Variants in ATAD2 observed in about 807,000 individuals in gnomAD.
ATAD2 encodes ATPase family AAA domain containing 2, also known as ATPase family AAA domain-containing protein 2.
ATAD2 carries 62 observed loss-of-function variants against 168.9 expected under a neutral mutation model. That is an observed-to-expected ratio of 0.37 (90% CI 0.30 to 0.45). ATAD2 has a LOEUF of 0.45. Ranked by LOEUF, ATAD2 falls within the 20% of genes least tolerant of loss-of-function variation. ATAD2 has a pLI of 1.00. For synonymous variants in ATAD2, 613 were observed against 571.6 expected, an observed-to-expected ratio of 1.07 and a Z score of -1.03; for missense variants, 1,419 against 1,667.8, an observed-to-expected ratio of 0.85 and a Z score of 2.60.
At chr8:123,379,884 A>ATT (rs1268109846) in intron 2 of ATAD2, among the ~76,000 whole-genome samples, 1 of 127,074 alleles carries the variant, frequency 7.9e-6, no homozygotes, top group African/African-American at 2.7e-5. Flanking sequence ...TATTATTATT[A>ATT]TTATTATTTT....
chr8:123,409,504 T>G (rs1813121473), intron 1 of ATAD2, among the ~76,000 whole-genome samples: 1 of 152,120 alleles, frequency 6.6e-6, no homozygotes, highest in Non-Finnish European at 1.5e-5. Context: ...CAATTTGTTT[T>G]TCTTTTGAGA....
chr8:123,322,564 G>A (rs962335569), intron 27 of ATAD2, among the ~76,000 whole-genome samples: 1 of 152,148 alleles, frequency 6.6e-6, no homozygotes, highest in Admixed American at 6.5e-5. Context: ...AGCTACTTGG[G>A]AGGCTGAGGC....
At chr8:123,388,751 T>C (rs1372261148) in intron 1 of ATAD2, among the ~76,000 whole-genome samples, 1 of 152,080 alleles carries the variant, frequency 6.6e-6, no homozygotes, top group African/African-American at 2.4e-5. Context: ...CTCAGGCTGG[T>C]CTCGAACTTC....
intron 1 of ATAD2, among the ~76,000 whole-genome samples, chr8:123,384,850 T>C (rs907091530): frequency 6.6e-6 from 1 of 152,212 alleles, no homozygotes; most frequent in Non-Finnish European, 1.5e-5. Context: ...TAATATGTTC[T>C]TGTTTTGATT....
chr8:123,388,831 G>A (rs1170228110), intron 1 of ATAD2, among the ~76,000 whole-genome samples: 2 of 152,052 alleles, frequency 1.3e-5, no homozygotes, highest in Non-Finnish European at 2.9e-5. Context: ...CACTGTGCCT[G>A]GCCAGTACTT....
At chr8:123,324,497 G>A (rs1827552902) in intron 26 of ATAD2, among the ~76,000 whole-genome samples, 1 of 152,206 alleles carries the variant, frequency 6.6e-6, no homozygotes, top group Non-Finnish European at 1.5e-5. Flanking sequence ...ACACATCCAA[G>A]TTGTTGGTTG....
chr8:123,392,910 C>T (rs751765194), intron 1 of ATAD2, among the ~76,000 whole-genome samples: 25 of 152,252 alleles, frequency 1.6e-4, no homozygotes, highest in Non-Finnish European at 2.9e-4. Flanking sequence ...ATTTGCTGGG[C>T]GCGGTGGCTC....
chr8:123,389,197 C>T (rs1050444198), intron 1 of ATAD2, among the ~76,000 whole-genome samples: 29 of 135,582 alleles, frequency 2.1e-4, no homozygotes, highest in African/African-American at 6.8e-4. Flanking sequence ...AGGATGGTCT[C>T]GATCTCCTGA....
chr8:123,357,119 G>A (rs1828673332), intron 12 of ATAD2, among the ~76,000 whole-genome samples: 1 of 152,154 alleles, frequency 6.6e-6, no homozygotes, highest in Admixed American at 6.5e-5. Flanking sequence ...AACCTCGGGA[G>A]AGTTCCAAAA....
At chr8:123,362,581 A>G (rs542064087) in intron 8 of ATAD2, among the ~76,000 whole-genome samples, 91 of 151,352 alleles carry the variant, frequency 6.0e-4, no homozygotes, top group African/African-American at 2.1e-3. Flanking sequence ...GTGCCCAGTT[A>G]ACTTTTTTTT....
At chr8:123,350,859 G>A (rs1400799333) in intron 13 of ATAD2, among the ~76,000 whole-genome samples, 1 of 151,846 alleles carries the variant, frequency 6.6e-6, no homozygotes, top group Non-Finnish European at 1.5e-5. Context: ...TGAGTAGCTG[G>A]GACTACAGGC....
intron 13 of ATAD2, among the ~76,000 whole-genome samples, chr8:123,349,955 G>A (rs1236129594): frequency 1.3e-5 from 2 of 151,060 alleles, no homozygotes; most frequent in African/African-American, 2.4e-5. Flanking sequence ...GAGGTTGTAC[G>A]TAGTGAGCCA....
At chr8:123,326,072 T>C in intron 25 of ATAD2, 46 bp from the exon 26 acceptor site, 3 of 1,580,210 alleles carry the variant, frequency 1.9e-6, no homozygotes, top group Non-Finnish European at 2.6e-6. Flanking sequence ...ATAGATATTA[T>C]GATGTCTAAA....
At chr8:123,347,833 A>C (rs1828302170) in intron 15 of ATAD2, among the ~76,000 whole-genome samples, 1 of 152,186 alleles carries the variant, frequency 6.6e-6, no homozygotes, top group Admixed American at 6.5e-5. Flanking sequence ...TAAAATGCTT[A>C]AAAGGATGAC....
chr8:123,328,452 T>C lies in ATAD2; in HGVS notation c.3606A>G (p.Thr1202=), dbSNP rs186156193. 178 of 1,610,628 alleles carry C rather than the reference T, an allele frequency of 1.1e-4. No homozygotes were observed. Among genetic ancestry groups the C allele is most frequent in the Admixed American group, 4.0e-4 (24 of 59,524 alleles). ...NAIDHKIESD[T]EETQDTSVDH... is the part of the protein sequence containing the mutation. Reference sequence around the variant, plus strand: ...CTACACTTGTGTCTTGAGTTTCCTCTGTATCACTCTCAATTTTGTGATCTA... The same window carrying C: ...CTACACTTGTGTCTTGAGTTTCCTCCGTATCACTCTCAATTTTGTGATCTA... The change falls in exon 25 of 28, where the codon ACA becomes ACG. Residue 1202 remains threonine, a synonymous_variant. Transcript: ENST00000287394.
At chr8:123,351,786 C>T (rs1828471792) in intron 13 of ATAD2, among the ~76,000 whole-genome samples, 2 of 144,222 alleles carry the variant, frequency 1.4e-5, no homozygotes, top group African/African-American at 2.6e-5. Flanking sequence ...CTGGCTGTGT[C>T]GCCCAGGCTG....
intron 1 of ATAD2, among the ~76,000 whole-genome samples, chr8:123,392,348 A>AT (rs1812618572): frequency 6.6e-6 from 1 of 152,194 alleles, no homozygotes; most frequent in South Asian, 2.1e-4. Context: ...GTAATTTTAA[A>AT]TATGGTGCTT....
intron 24 of ATAD2, among the ~76,000 whole-genome samples, chr8:123,333,234 A>G (rs1228434984): frequency 7.7e-6 from 1 of 129,658 alleles, no homozygotes; most frequent in African/African-American, 3.6e-5. Context: ...AAAAATACAA[A>G]AAAAAAAAAA....
chr8:123,343,695 G>A (rs780936941), intron 19 of ATAD2, among the ~76,000 whole-genome samples: 2 of 152,136 alleles, frequency 1.3e-5, no homozygotes, highest in African/African-American at 2.4e-5. Flanking sequence ...ACAAAAAATA[G>A]TCCCTAATTT....
Sources: gnomAD v4.1 joint callset for allele counts (sites outside exome capture counted in the v4.1 genomes callset) on GRCh38, gnomAD v4.1.1 for gene constraint, MANE v1.5 for transcripts, NCBI Gene and HGNC (gene_info 2026-07-23, HGNC 2026-07-21) for gene names.